SYT1: variants seen among roughly 807,000 people sequenced by gnomAD.
SYT1 encodes synaptotagmin 1, also known as synaptotagmin-1.
A neutral mutation model predicts 44.8 loss-of-function variants in SYT1; 8 were observed. The ratio of observed to expected loss-of-function variants is 0.18; its 90% confidence interval spans 0.10 to 0.32. The LOEUF is 0.32. Among genes scored for constraint, SYT1 ranks in the 10% least tolerant of loss-of-function variants. SYT1 has a pLI of 1.00. For missense variants in SYT1, 286 were observed against 509.3 expected (o/e 0.56, Z 4.22); for synonymous variants, 154 against 188.8 (o/e 0.82, Z 1.51).
chr12:79,401,537 T>G (rs940468506), intron 9 of SYT1, among the ~76,000 whole-genome samples: 3 of 152,246 alleles, frequency 2.0e-5, no homozygotes, highest in African/African-American at 7.2e-5. Flanking sequence ...ATGTATTTTA[T>G]GAGTGCTTTG....
intron 1 of SYT1, among the ~76,000 whole-genome samples, chr12:78,880,978 AC>A (rs1279822022): frequency 6.6e-6 from 1 of 151,526 alleles, no homozygotes; most frequent in Admixed American, 6.6e-5. Context: ...AAAAAAACAA[AC>A]CTTTTTCCAA....
At chr12:79,290,880 T>G (rs1302457847) in intron 5 of SYT1, among the ~76,000 whole-genome samples, 3 of 152,150 alleles carry the variant, frequency 2.0e-5, no homozygotes, top group Non-Finnish European at 4.4e-5. Flanking sequence ...AAAATACAAA[T>G]GGTTAATGTA....
chr12:79,238,484 G>A (rs1397785398), intron 4 of SYT1, among the ~76,000 whole-genome samples: 1 of 152,092 alleles, frequency 6.6e-6, no homozygotes, highest in East Asian at 1.9e-4. Context: ...CAAGTTGCAG[G>A]GTGCAGGATG....
intron 3 of SYT1, among the ~76,000 whole-genome samples, chr12:79,145,942 A>G (rs1235901707): frequency 1.3e-5 from 2 of 151,834 alleles, no homozygotes; most frequent in East Asian, 3.9e-4. Context: ...TATTTTTAGT[A>G]GAGACGGGGT....
chr12:79,242,824 T>C (rs1289169025), intron 4 of SYT1, among the ~76,000 whole-genome samples: 2 of 152,248 alleles, frequency 1.3e-5, no homozygotes, highest in Admixed American at 1.3e-4. Flanking sequence ...ATAACTTCTA[T>C]GTAACTTTAC....
At chr12:79,133,924 G>A (rs983441803) in intron 3 of SYT1, among the ~76,000 whole-genome samples, 1 of 152,122 alleles carries the variant, frequency 6.6e-6, no homozygotes, top group South Asian at 2.1e-4. Flanking sequence ...GATAGAATTA[G>A]AGATTTGGCA....
chr12:79,243,232 AT>A (rs1876619958), intron 4 of SYT1, among the ~76,000 whole-genome samples: 1 of 152,192 alleles, frequency 6.6e-6, no homozygotes, highest in African/African-American at 2.4e-5. Flanking sequence ...GTCGAACCAT[AT>A]CAAATAGTCT....
intron 3 of SYT1, among the ~76,000 whole-genome samples, chr12:79,077,648 G>A (rs1024345795): frequency 7.2e-5 from 11 of 152,154 alleles, no homozygotes; most frequent in Non-Finnish European, 1.5e-4. Context: ...GTATTTGCAA[G>A]AAATAAATGA....
intron 4 of SYT1, among the ~76,000 whole-genome samples, chr12:79,226,743 C>A (rs1875543490): frequency 6.6e-6 from 1 of 152,050 alleles, no homozygotes; most frequent in Admixed American, 6.5e-5. Flanking sequence ...TAAATAAAAG[C>A]CATGCCATTT....
chr12:79,441,968 A>AACATCATGTCAG (rs1311254904), intron 9 of SYT1, among the ~76,000 whole-genome samples: 1 of 152,242 alleles, frequency 6.6e-6, no homozygotes, highest in Non-Finnish European at 1.5e-5. Context: ...AGGCATTAAT[A>AACATCATGTCAG]ACATCATGTC....
chr12:78,995,453 T>C lies in SYT1; in HGVS notation c.-84+17522T>C, dbSNP rs1870313386. On this transcript the variant is annotated intron_variant, in intron 2 of 10. Transcript: ENST00000261205. ...TTTGGTATCCACTGCCAGATTATGC[T>C]ACTCACCTAACAATTTGGGCAGCTT... 1.3e-5 allele frequency among the ~76,000 whole-genome samples: 2 copies of C among 152,198 alleles called. 1 individual carries two copies. Among genetic ancestry groups the C allele is most frequent in the South Asian group, 4.1e-4 (2 of 4,828 alleles).
intron 9 of SYT1, among the ~76,000 whole-genome samples, chr12:79,443,223 C>G (rs1870527815): frequency 1.3e-5 from 2 of 152,128 alleles, no homozygotes; most frequent in Admixed American, 1.3e-4. Flanking sequence ...AAGTTCTTCT[C>G]CACCTAGGAA....
intron 3 of SYT1, among the ~76,000 whole-genome samples, chr12:79,106,551 CTGTG>C (rs1219696411): frequency 2.1e-5 from 3 of 144,608 alleles, no homozygotes; most frequent in African/African-American, 5.1e-5. Context: ...TTCCTGAACT[CTGTG>C]TGTTTTTCCT....
At chr12:78,899,194 A>G (rs950463582) in intron 1 of SYT1, among the ~76,000 whole-genome samples, 1 of 152,094 alleles carries the variant, frequency 6.6e-6, no homozygotes, top group Non-Finnish European at 1.5e-5. Flanking sequence ...AACTTTCTTA[A>G]TAATTGAGAT....
intron 3 of SYT1, among the ~76,000 whole-genome samples, chr12:79,171,549 T>C (rs1592815415): frequency 1.3e-5 from 2 of 152,132 alleles, no homozygotes; most frequent in Non-Finnish European, 2.9e-5. Context: ...TTGTGTATTA[T>C]AAATAAAAAA....
At chr12:78,943,541 T>TG (rs1237671782) in intron 1 of SYT1, among the ~76,000 whole-genome samples, 1 of 152,092 alleles carries the variant, frequency 6.6e-6, no homozygotes, top group Non-Finnish European at 1.5e-5. Context: ...TCTGCCCCCA[T>TG]GATCTAGTCA....
chr12:79,360,065 C>G (rs1161860672), intron 9 of SYT1, among the ~76,000 whole-genome samples: 7 of 152,114 alleles, frequency 4.6e-5, no homozygotes, highest in African/African-American at 1.7e-4. Flanking sequence ...TTAAACAGGT[C>G]CTCCCCGTCC....
At chr12:79,375,983 T>G (rs1883979043) in intron 9 of SYT1, among the ~76,000 whole-genome samples, 1 of 152,206 alleles carries the variant, frequency 6.6e-6, no homozygotes, top group Non-Finnish European at 1.5e-5. Context: ...TGGAATAAAG[T>G]CATAAAGAAA....
In SYT1 at chr12:78,959,492, T is replaced by C. The variant is rs531094014; in HGVS notation, c.-216-18307T>C. ...TCAAATTTGTTCTTTAATTTTTTTG[T>C]ACACATCTGATATCACAAAAACATT... On this transcript the variant is annotated intron_variant, in intron 1 of 10. Coordinates refer to ENST00000261205, the MANE Select transcript of SYT1 (RefSeq NM_005639.3). Among the ~76,000 whole-genome samples, 4 of 152,336 alleles carry C rather than the reference T, an allele frequency of 2.6e-5. No individual in the cohort carries two copies. The South Asian group carries it at 8.3e-4, about 32-fold the overall frequency.
Sources: allele counts gnomAD v4.1 joint callset (sites outside exome capture counted in the v4.1 genomes callset), GRCh38; gene constraint gnomAD v4.1.1; transcripts MANE v1.5; gene names NCBI Gene and HGNC (gene_info 2026-07-23, HGNC 2026-07-21).